The following GMDS variants were observed in gnomAD, a reference collection of about 807,000 sequenced individuals.
GMDS encodes the protein GDP-mannose 4,6 dehydratase.
GMDS carries 20 observed loss-of-function variants against 49.9 expected under a neutral mutation model. The ratio of observed to expected loss-of-function variants is 0.40; its 90% CI spans 0.28 to 0.58. GMDS has a LOEUF of 0.58. GMDS is among the 20% of genes least tolerant of loss of function. The pLI is 0.42. For synonymous variants in GMDS, 177 were observed against 178.6 expected, an observed-to-expected ratio of 0.99 and a Z score of 0.07; for missense variants, 362 against 481.4, an observed-to-expected ratio of 0.75 and a Z score of 2.32.
At chr6:1,716,926 G>A (rs980192222) in intron 9 of GMDS, among the ~76,000 whole-genome samples, 3 of 152,202 alleles carry the variant, frequency 2.0e-5, no homozygotes, top group African/African-American at 7.2e-5. Flanking sequence ...TATCAGCGGT[G>A]TTTTCTGAGT....
At chr6:2,164,739 T>A (rs1777576976) in intron 1 of GMDS, among the ~76,000 whole-genome samples, 1 of 152,176 alleles carries the variant, frequency 6.6e-6, no homozygotes, top group Non-Finnish European at 1.5e-5. Context: ...AGATTCTGGG[T>A]TTTTTAGCCA....
At chr6:1,856,684 G>GGAA (rs1581262444) in intron 7 of GMDS, among the ~76,000 whole-genome samples, 1 of 152,338 alleles carries the variant, frequency 6.6e-6, no homozygotes, top group East Asian at 1.9e-4. Flanking sequence ...AGTTCAACAG[G>GGAA]TAGGGGGCTC....
At chr6:2,131,977 G>A (rs1775764369) in intron 1 of GMDS, among the ~76,000 whole-genome samples, 1 of 152,100 alleles carries the variant, frequency 6.6e-6, no homozygotes. Flanking sequence ...AGGATAGTGA[G>A]CACTTGTACA....
chr6:2,068,135 C>T (rs1771738580), intron 4 of GMDS, among the ~76,000 whole-genome samples: 1 of 150,938 alleles, frequency 6.6e-6, no homozygotes, highest in African/African-American at 2.4e-5. Context: ...AAATGTAATC[C>T]AGCATATAAA....
At chr6:1,770,204 CAT>C (rs1358380045) in intron 7 of GMDS, among the ~76,000 whole-genome samples, 9 of 152,204 alleles carry the variant, frequency 5.9e-5, no homozygotes, top group South Asian at 2.1e-4. Flanking sequence ...GAACTGCACA[CAT>C]GTGTGAGCCA....
intron 7 of GMDS, among the ~76,000 whole-genome samples, chr6:1,850,393 GCTT>G (rs1343425992): frequency 5.3e-5 from 8 of 152,114 alleles, no homozygotes; most frequent in Admixed American, 1.3e-4. Context: ...ACTAAATACT[GCTT>G]CTTATCTGTC....
At chr6:1,992,994 AAAAG>A (rs1766050055) in intron 4 of GMDS, among the ~76,000 whole-genome samples, 1 of 152,258 alleles carries the variant, frequency 6.6e-6, no homozygotes, top group African/African-American at 2.4e-5. Context: ...TTTATGAATG[AAAAG>A]AAAGAACTAT....
chr6:1,634,798 G>A (rs1763093843), intron 9 of GMDS, among the ~76,000 whole-genome samples: 2 of 152,114 alleles, frequency 1.3e-5, no homozygotes, highest in African/African-American at 4.8e-5. Context: ...GGTGAGAGAC[G>A]ATGGTGGCCT....
intron 8 of GMDS, among the ~76,000 whole-genome samples, chr6:1,731,837 G>A (rs1371275612): frequency 6.6e-6 from 1 of 152,134 alleles, no homozygotes; most frequent in African/African-American, 2.4e-5. Flanking sequence ...GTCCACACGG[G>A]GTCAGGTCAG....
chr6:2,166,787 T>C (rs1777691961), intron 1 of GMDS, among the ~76,000 whole-genome samples: 1 of 152,202 alleles, frequency 6.6e-6, no homozygotes, highest in Non-Finnish European at 1.5e-5. Context: ...ATGTGGCCAA[T>C]GCTAATTGTT....
intron 2 of GMDS, among the ~76,000 whole-genome samples, chr6:2,119,412 A>T (rs2127503140): frequency 6.6e-6 from 1 of 152,298 alleles, no homozygotes; most frequent in South Asian, 2.1e-4. Context: ...AAGTGTTTTA[A>T]TTTCCTCTAA....
At chr6:1,671,577 A>G (rs1764426121) in intron 9 of GMDS, among the ~76,000 whole-genome samples, 1 of 152,110 alleles carries the variant, frequency 6.6e-6, no homozygotes, top group East Asian at 1.9e-4. Context: ...TGAGAATTTG[A>G]GAGGAAAGCA....
chr6:1,901,138 T>C (rs1392990269), intron 7 of GMDS, among the ~76,000 whole-genome samples: 1 of 152,260 alleles, frequency 6.6e-6, no homozygotes, highest in African/African-American at 2.4e-5. Flanking sequence ...TGTGGCTCCC[T>C]GGTTCCGTGG....
At chr6:1,843,148 T>TAAAAC (rs1394761225) in intron 7 of GMDS, among the ~76,000 whole-genome samples, 1 of 151,630 alleles carries the variant, frequency 6.6e-6, no homozygotes, top group Non-Finnish European at 1.5e-5. Flanking sequence ...TAAAATAAAA[T>TAAAAC]AAAGAGAATT....
Position 1,624,462 on chromosome 6 carries a change from A to T in GMDS, c.1056+10T>A, listed in dbSNP as rs1762783465. 1 of 1,610,756 alleles carries T rather than the reference A, an allele frequency of 6.2e-7. No homozygotes were observed. The highest frequency in any genetic ancestry group is 8.5e-7 in the Non-Finnish European group (1 of 1,177,176). ...CGCAGCGGGCGGCGTGCGCCCTAAG[A>T]GATACTCACATCGAAAGCGACCCGG... On this transcript the variant is annotated intron_variant, in intron 10 of 10. Coordinates refer to ENST00000380815, the MANE Select transcript of GMDS (RefSeq NM_001500.4).
chr6:1,784,210 G>A (rs1275814039), intron 7 of GMDS, among the ~76,000 whole-genome samples: 1 of 151,894 alleles, frequency 6.6e-6, no homozygotes, highest in Non-Finnish European at 1.5e-5. Flanking sequence ...TGACCAACAT[G>A]GTGAAACCCC....
At chr6:1,974,207 A>C (rs898664773) in intron 4 of GMDS, among the ~76,000 whole-genome samples, 5 of 152,146 alleles carry the variant, frequency 3.3e-5, no homozygotes, top group African/African-American at 1.2e-4. Flanking sequence ...AAAATAAGTA[A>C]GCCCTCATGA....
intron 7 of GMDS, among the ~76,000 whole-genome samples, chr6:1,909,676 G>A (rs1760950996): frequency 1.3e-5 from 2 of 152,196 alleles, no homozygotes. Flanking sequence ...TCCCTCTGGG[G>A]AGAAGACTGA....
intron 4 of GMDS, among the ~76,000 whole-genome samples, chr6:1,965,745 A>G (rs1160096861): frequency 6.6e-6 from 1 of 152,190 alleles, no homozygotes; most frequent in African/African-American, 2.4e-5. Context: ...AAGCAGAAGG[A>G]TTACTCGAAC....
Sources: gnomAD v4.1 joint callset for allele counts (sites outside exome capture counted in the v4.1 genomes callset) on GRCh38, gnomAD v4.1.1 for gene constraint, MANE v1.5 for transcripts, NCBI Gene and HGNC (gene_info 2026-07-23, HGNC 2026-07-21) for gene names.